TBCCD1: variants seen among roughly 807,000 people sequenced by gnomAD.
TBCCD1 encodes the protein TBCC domain containing 1, also known as TBCC domain-containing protein 1.
In TBCCD1, 26 loss-of-function variants were observed where a neutral mutation model predicts 53.4. The observed-to-expected ratio is 0.49, with a 90% CI of 0.36 to 0.68. The LOEUF (loss-of-function observed/expected upper bound fraction) is 0.68, where lower values mean the gene tolerates loss of function less well. Ranked by LOEUF, TBCCD1 falls within the 30% of genes least tolerant of loss-of-function variation. The probability of loss-of-function intolerance (pLI) is 0.00; values close to 1 mark genes in which losing one functional copy is unlikely to be tolerated. For synonymous variants in TBCCD1, 245 were observed against 241.7 expected (o/e 1.01, Z -0.13); for missense variants, 558 against 669.5 (o/e 0.83, Z 1.84).
Position 186,556,694 on chromosome 3 carries a change from G to A in TBCCD1, c.574C>T (p.Leu192Phe). Residue 192 changes from leucine (L) to phenylalanine (F), a missense_variant, in exon 4 of 8, where the codon CTC becomes TTC. By Grantham distance (22) the Leu-to-Phe change is conservative. Coordinates refer to ENST00000338733, the MANE Select transcript of TBCCD1 (RefSeq NM_018138.5). Reference protein sequence around the residue: ...LLELLLDPKQLTASFHSTHSS... With the variant: ...LLELLLDPKQFTASFHSTHSS... Reference sequence around the variant, plus strand: ...TGGGTTGAATGAAATGATGCAGTGAGTTGTTTTGGATCTAAAAGCAGCTCG... The same window carrying A: ...TGGGTTGAATGAAATGATGCAGTGAATTGTTTTGGATCTAAAAGCAGCTCG... 6.2e-7 allele frequency: 1 copy of A among 1,614,164 alleles called. No individual in the cohort carries two copies. The highest frequency in any genetic ancestry group is 1.1e-5 in the South Asian group (1 of 91,084).
intron 7 of TBCCD1, among the ~76,000 whole-genome samples, chr3:186,547,606 C>CTT (rs574168560): frequency 3.1e-5 from 4 of 127,158 alleles, no homozygotes; most frequent in Non-Finnish European, 3.4e-5. Flanking sequence ...TTGCTAAATT[C>CTT]TTTTTTTTTT....
intron 2 of TBCCD1, among the ~76,000 whole-genome samples, chr3:186,562,289 G>A (rs1181810251): frequency 6.6e-6 from 1 of 152,204 alleles, no homozygotes. Context: ...AGGCTATAGT[G>A]AGCTATGATT....
Position 186,551,145 on chromosome 3 carries a change from G to C in TBCCD1, c.*5C>G, listed in dbSNP as rs1248212933. On this transcript the variant is annotated 3_prime_UTR_variant, in exon 7 of 8. Coordinates refer to ENST00000338733, the MANE Select transcript of TBCCD1 (RefSeq NM_018138.5). ...AATGCCTACCAGTGTCTGCATGTAAGATCCTTATCCAGCTGCTTGTTTGGA... is the reference window on the plus strand; with the variant it reads ...AATGCCTACCAGTGTCTGCATGTAACATCCTTATCCAGCTGCTTGTTTGGA... 1 of 1,610,264 alleles carries C rather than the reference G, an allele frequency of 6.2e-7. No individual in the cohort carries two copies. The highest frequency in any genetic ancestry group is 1.1e-5 in the South Asian group (1 of 90,490).
chr3:186,563,348 T>C (rs539739176), intron 2 of TBCCD1, among the ~76,000 whole-genome samples: 23 of 152,264 alleles, frequency 1.5e-4, no homozygotes, highest in Admixed American at 1.4e-3. Context: ...GTACTTTGTG[T>C]ATTCTTTTAT....
In TBCCD1 at chr3:186,546,228, T is replaced by C. The variant is rs1182136839; in HGVS notation, c.*749A>G. 1 of 152,232 alleles carries C rather than the reference T, an allele frequency of 6.6e-6. No homozygotes were observed. Among genetic ancestry groups the C allele is most frequent in the Non-Finnish European group, 1.5e-5 (1 of 68,038 alleles). 9.4% of individuals were successfully genotyped at this position (152,232 alleles called of 1,614,324 possible). On this transcript the variant is annotated 3_prime_UTR_variant, in exon 8 of 8. Transcript: ENST00000338733. ...TCATACTTCCTTTCCAATTATTTTT[T>C]AAAAGGAGTAGCAATTTCCTTTTAA...
In TBCCD1 at chr3:186,554,924, A is replaced by T; in HGVS notation, c.1020T>A (p.Ser340=). Residue 340 remains serine (S), a synonymous_variant, in exon 5 of 8, where the codon TCT becomes TCA. Transcript: ENST00000338733. ...GTAAGGGAGAGAGCAGATATATAAA[A>T]GATTCGTTGCAACGATGAATCTTTA... ...AHVKIHRCNE[S]FIYLLSPLRS... is the part of the protein sequence containing the mutation. 6.2e-7 allele frequency: 1 copy of T among 1,613,812 alleles called. No homozygotes were observed. The highest frequency in any genetic ancestry group is 8.5e-7 in the Non-Finnish European group (1 of 1,180,032).
intron 7 of TBCCD1, among the ~76,000 whole-genome samples, chr3:186,547,237 A>G (rs2108451024): frequency 6.6e-6 from 1 of 151,852 alleles, no homozygotes; most frequent in East Asian, 1.9e-4. Context: ...TCCTTTGCAT[A>G]ATCTCCATCA....
At chr3:186,565,463 T>C (rs1714802222) in intron 1 of TBCCD1, among the ~76,000 whole-genome samples, 1 of 152,230 alleles carries the variant, frequency 6.6e-6, no homozygotes, top group Non-Finnish European at 1.5e-5. Context: ...ATTTTCACAG[T>C]TGTGATGTTA....
At chr3:186,559,825 A>T (rs961656409) in intron 2 of TBCCD1, among the ~76,000 whole-genome samples, 1 of 152,214 alleles carries the variant, frequency 6.6e-6, no homozygotes. Context: ...ATAGGACAAT[A>T]TCACAATCAG....
At chr3:186,562,875 T>C (rs1418426073) in intron 2 of TBCCD1, among the ~76,000 whole-genome samples, 2 of 152,238 alleles carry the variant, frequency 1.3e-5, no homozygotes, top group Non-Finnish European at 2.9e-5. Context: ...TCCATTCTGT[T>C]GATCTTCCCT....
At chr3:186,553,777 C>A (rs1429133291) in intron 6 of TBCCD1, among the ~76,000 whole-genome samples, 1 of 152,182 alleles carries the variant, frequency 6.6e-6, no homozygotes, top group East Asian at 1.9e-4. Context: ...TGGATATTTA[C>A]CCACTCCCAT....
At position 186,551,231 on chromosome 3, in the gene TBCCD1, T is replaced by C. The variant is rs762371049; in HGVS notation, c.1593A>G (p.Glu531=). ...FQVLVENKFY[E]WLINTGHRQQ... is the part of the protein sequence containing the mutation. The stretch of plus-strand genomic sequence containing the variant: ...GGCGATGTCCTGTATTAATCAACCA[T>C]TCATAAAACTTGTTCTCTACCAGTA... The change falls in exon 7 of 8, where the codon GAA becomes GAG. Residue 531 remains glutamate (E), a synonymous_variant. Coordinates refer to ENST00000338733, the MANE Select transcript of TBCCD1 (RefSeq NM_018138.5). The C allele has an allele frequency of 1.7e-5, 27 of 1,613,614 alleles. No individual in the cohort carries two copies. In the East Asian group the frequency reaches 6.0e-4, roughly 36 times the overall value.
chr3:186,566,726 A>G (rs1714842983), intron 1 of TBCCD1, among the ~76,000 whole-genome samples: 1 of 152,242 alleles, frequency 6.6e-6, no homozygotes, highest in South Asian at 2.1e-4. Context: ...TGAAAGAACC[A>G]GGGAGAGTAA....
upstream of TBCCD1, among the ~76,000 whole-genome samples, chr3:186,569,129 C>T (rs60496590): frequency 0.27 from 40,833 of 151,064 alleles, 6,994 homozygotes; most frequent in African/African-American, 0.49. Context: ...GGAATGAGCT[C>T]GGTGTATACA....
Position 186,554,589 on chromosome 3 carries a change from T to A in TBCCD1, c.1209A>T (p.Thr403=). 6.2e-7 allele frequency: 1 copy of A among 1,614,074 alleles called. No homozygotes were observed. The highest frequency in any genetic ancestry group is 8.5e-7 in the Non-Finnish European group (1 of 1,180,012). The part of the protein sequence containing the change: ...TGCIFHVLTP[T]RPLILSGNQT... ...GGTTCCCAGAGAGAATAAGTGGGCG[T>A]GTAGGCGTAAGAACGTGAAAGATGC... The change falls in exon 6 of 8, where the codon ACA becomes ACT. Residue 403 remains threonine (T), a synonymous_variant. Transcript: ENST00000338733.
chr3:186,566,636 G>A (rs1193518395), intron 1 of TBCCD1, among the ~76,000 whole-genome samples: 1 of 152,244 alleles, frequency 6.6e-6, no homozygotes, highest in Non-Finnish European at 1.5e-5. Context: ...TAGGAATCCA[G>A]TTTTGGGAGA....
chr3:186,564,004 T>C lies in TBCCD1; in HGVS notation c.326A>G (p.Gln109Arg). 6.2e-7 allele frequency: 1 copy of C among 1,608,456 alleles called. No individual in the cohort carries two copies. Among genetic ancestry groups the C allele is most frequent in the Non-Finnish European group, 8.5e-7 (1 of 1,176,868 alleles). Reference sequence around the variant, plus strand: ...CATATCAATCCGTACCTGATTTCTCTGCTTTTCAACTTCCTCCTCAGACAT... The same window carrying C: ...CATATCAATCCGTACCTGATTTCTCCGCTTTTCAACTTCCTCCTCAGACAT... ...NCMSEEEVEKQRNQLSVDTLQ... is the reference protein window; with the variant it reads ...NCMSEEEVEKRRNQLSVDTLQ... Residue 109 changes from glutamine to arginine, a missense_variant, in exon 2 of 8, where the codon CAG (glutamine) becomes CGG (arginine). By Grantham distance (43) the Gln-to-Arg change is conservative. Transcript: ENST00000338733.
Position 186,554,473 on chromosome 3 carries a change from C to T in TBCCD1, c.1325G>A (p.Trp442Ter). The stretch of plus-strand genomic sequence containing the variant: ...TCTGCACACAACCATTGGATTATCC[C>T]AATAGTTAGGCACTGTAGCAAGGCC... ...RTGLATVPNY[W>*]DNPMVVCREN... Residue 442 changes from tryptophan (W) to a stop codon, truncating the protein, a stop_gained, in exon 6 of 8, where the codon TGG becomes TAG. Transcript: ENST00000338733. LOFTEE classifies it high-confidence loss of function. The T allele has an allele frequency of 6.2e-7, 1 of 1,614,216 alleles. No homozygotes were observed. Among genetic ancestry groups the T allele is most frequent in the Non-Finnish European group, 8.5e-7 (1 of 1,180,044 alleles).
At chr3:186,566,518 G>T (rs975683699) in intron 1 of TBCCD1, among the ~76,000 whole-genome samples, 3 of 152,160 alleles carry the variant, frequency 2.0e-5, no homozygotes, top group African/African-American at 7.2e-5. Flanking sequence ...AAAAAAAAAT[G>T]AGGCTTAGCG....
Sources: gnomAD v4.1 joint callset for allele counts (sites outside exome capture counted in the v4.1 genomes callset) on GRCh38, gnomAD v4.1.1 for gene constraint, MANE v1.5 for transcripts, NCBI Gene and HGNC (gene_info 2026-07-23, HGNC 2026-07-21) for gene names.